The following LAPTM4B variants were observed in gnomAD, a reference collection of about 807,000 sequenced individuals.
LAPTM4B encodes the protein lysosomal-associated transmembrane protein 4B.
Under a neutral mutation model 28.5 loss-of-function variants are expected in LAPTM4B, and 26 were observed. That is an observed-to-expected ratio of 0.91 (90% confidence interval 0.67 to 1.27). The LOEUF (loss-of-function observed/expected upper bound fraction) is 1.27. Ranked by LOEUF, LAPTM4B falls within the 50% of genes most tolerant of loss-of-function variation. The pLI, the probability that LAPTM4B is intolerant of heterozygous loss-of-function variation, is 0.00. For synonymous variants in LAPTM4B, 109 were observed against 106.4 expected (o/e 1.02, Z -0.15); for missense variants, 288 against 285.8 (o/e 1.01, Z -0.06).
At chr8:97,820,868 A>G (rs1253256605) in intron 5 of LAPTM4B, among the ~76,000 whole-genome samples, 1 of 151,848 alleles carries the variant, frequency 6.6e-6, no homozygotes, top group Admixed American at 6.5e-5. Context: ...AGCTGGGACT[A>G]CAGGCGCCTG....
At chr8:97,825,646 T>C (rs1281011979) in intron 6 of LAPTM4B, among the ~76,000 whole-genome samples, 1 of 152,262 alleles carries the variant, frequency 6.6e-6, no homozygotes, top group East Asian at 1.9e-4. Context: ...TCTGTTCTGC[T>C]ACTAGTTGCT....
At chr8:97,804,479 A>T (rs1816730664) in intron 1 of LAPTM4B, among the ~76,000 whole-genome samples, 2 of 152,180 alleles carry the variant, frequency 1.3e-5, no homozygotes, top group African/African-American at 4.8e-5. Context: ...CTGGATTCAA[A>T]TCCCATCTCT....
At chr8:97,821,061 G>A (rs1167860071) in intron 5 of LAPTM4B, among the ~76,000 whole-genome samples, 1 of 151,716 alleles carries the variant, frequency 6.6e-6, no homozygotes, top group East Asian at 2.0e-4. Flanking sequence ...AATAAGGCCG[G>A]GTGTGGTGGC....
chr8:97,786,614 A>G, intron 1 of LAPTM4B, among the ~76,000 whole-genome samples: 1 of 151,518 alleles, frequency 6.6e-6, no homozygotes, highest in African/African-American at 2.4e-5. Context: ...CCGGAGAATC[A>G]CGTGAACCTG....
chr8:97,801,567 A>G (rs554804200), intron 1 of LAPTM4B, among the ~76,000 whole-genome samples: 382 of 152,300 alleles, frequency 2.5e-3, no homozygotes, highest in Non-Finnish European at 2.5e-3. Context: ...AAATAAGAGT[A>G]TAGAAGAGTT....
intron 1 of LAPTM4B, among the ~76,000 whole-genome samples, chr8:97,799,355 C>T (rs2438220): frequency 0.37 from 56,489 of 152,116 alleles, 12,595 homozygotes; most frequent in Middle Eastern, 0.5. Flanking sequence ...GTGAGCTAAG[C>T]AGAGGAGCTT....
intron 1 of LAPTM4B, among the ~76,000 whole-genome samples, chr8:97,787,286 T>G (rs925429063): frequency 7.2e-6 from 1 of 139,116 alleles, no homozygotes. Flanking sequence ...GATGTTTCTT[T>G]CTTTTTTTTT....
chr8:97,849,603 G>C (rs888150844), intron 6 of LAPTM4B, among the ~76,000 whole-genome samples: 1 of 152,238 alleles, frequency 6.6e-6, no homozygotes. Context: ...AGGAACAAAG[G>C]CCGGCTGGCG....
intron 1 of LAPTM4B, among the ~76,000 whole-genome samples, chr8:97,778,064 A>G (rs901986360): frequency 3.9e-5 from 6 of 152,202 alleles, no homozygotes; most frequent in East Asian, 1.9e-4. Context: ...TGATAAAAGG[A>G]GAGTACTCAG....
chr8:97,776,672 C>T (rs183741930), intron 1 of LAPTM4B, among the ~76,000 whole-genome samples: 83 of 150,582 alleles, frequency 5.5e-4, no homozygotes, highest in Non-Finnish European at 4.3e-4. Context: ...GAGTTCTTGG[C>T]ATCCTCTTGT....
rs148255805 is a variant in LAPTM4B, at chr8:97,795,529, G to A, written c.100-9824G>A. Reference sequence around the variant, plus strand: ...CAAGACTTTCTATTAATGGTTTGCCGTAGAGTTTATATATCTTTGACTTTT... The same window carrying A: ...CAAGACTTTCTATTAATGGTTTGCCATAGAGTTTATATATCTTTGACTTTT... On this transcript the variant is annotated intron_variant, in intron 1 of 6. Coordinates refer to ENST00000521545, the MANE Select transcript of LAPTM4B (RefSeq NM_018407.6). Among the ~76,000 whole-genome samples, 426 of 152,222 alleles carry A rather than the reference G, an allele frequency of 2.8e-3. 4 individuals are homozygous for A. Among genetic ancestry groups the A allele is most frequent in the Non-Finnish European group, 2.4e-3 (161 of 68,024 alleles).
chr8:97,812,250 G>T (rs35199236), intron 2 of LAPTM4B, among the ~76,000 whole-genome samples: 60,765 of 128,372 alleles, frequency 0.47, 14,109 homozygotes, highest in East Asian at 0.6. Context: ...GTCGGAGTCT[G>T]ACTCTGTCAC....
intron 6 of LAPTM4B, among the ~76,000 whole-genome samples, chr8:97,835,817 G>T (rs995449335): frequency 1.3e-5 from 2 of 152,160 alleles, no homozygotes; most frequent in African/African-American, 4.8e-5. Context: ...AAGAGGAAAA[G>T]ATTTAAATAC....
intron 1 of LAPTM4B, among the ~76,000 whole-genome samples, chr8:97,796,985 G>A (rs1478200309): frequency 2.6e-5 from 4 of 151,828 alleles, no homozygotes; most frequent in South Asian, 2.1e-4. Context: ...AGAAATGGCC[G>A]GGTACAATGG....
chr8:97,789,037 TC>T (rs1816453932), intron 1 of LAPTM4B, among the ~76,000 whole-genome samples: 3 of 130,824 alleles, frequency 2.3e-5, no homozygotes, highest in African/African-American at 3.0e-5. Flanking sequence ...TGGTGCTCAC[TC>T]TTTATTTATT....
intron 2 of LAPTM4B, among the ~76,000 whole-genome samples, chr8:97,807,041 TG>T (rs2129774196): frequency 6.6e-6 from 1 of 152,320 alleles, no homozygotes; most frequent in South Asian, 2.1e-4. Context: ...CATGTGGAAC[TG>T]TAAGTCCAGT....
At chr8:97,823,645 G>C (rs1413648894) in intron 5 of LAPTM4B, among the ~76,000 whole-genome samples, 1 of 147,710 alleles carries the variant, frequency 6.8e-6, no homozygotes, top group Non-Finnish European at 1.5e-5. Flanking sequence ...AAAGTGCTGG[G>C]ATTACAGGTG....
At chr8:97,832,999 C>A (rs546091171) in intron 6 of LAPTM4B, among the ~76,000 whole-genome samples, 1 of 151,084 alleles carries the variant, frequency 6.6e-6, no homozygotes, top group Non-Finnish European at 1.5e-5. Flanking sequence ...AGCCACCGCT[C>A]CTGACCTTCT....
intron 1 of LAPTM4B, among the ~76,000 whole-genome samples, chr8:97,791,240 T>C (rs1563603080): frequency 6.6e-6 from 1 of 152,174 alleles, no homozygotes; most frequent in Non-Finnish European, 1.5e-5. Context: ...AGGTCTCCAT[T>C]GTCCATCCTG....
Sources: allele counts gnomAD v4.1 joint callset (sites outside exome capture counted in the v4.1 genomes callset), GRCh38; gene constraint gnomAD v4.1.1; transcripts MANE v1.5; gene names NCBI Gene and HGNC (gene_info 2026-07-23, HGNC 2026-07-21).